The following DLG2 variants were observed in gnomAD, a reference collection of about 807,000 sequenced individuals.
DLG2 encodes the protein disks large homolog 2.
In DLG2, 45 loss-of-function variants were observed where a neutral mutation model predicts 132.5. The observed-to-expected ratio is 0.34, with a 90% CI of 0.27 to 0.44. The LOEUF is 0.44. Ranked by LOEUF, DLG2 falls within the 20% of genes least tolerant of loss-of-function variation. The pLI, the probability that DLG2 is intolerant of heterozygous loss-of-function variation, is 1.00. For missense variants in DLG2, 1,045 were observed against 1,196.9 expected, an observed-to-expected ratio of 0.87 and a Z score of 1.87; for synonymous variants, 424 against 419.6, an observed-to-expected ratio of 1.01 and a Z score of -0.13.
Position 83,596,439 on chromosome 11 carries a change from A to G in DLG2, c.1940+36772T>C, listed in dbSNP as rs554516886. 1.3e-4 allele frequency among the ~76,000 whole-genome samples: 20 copies of G among 152,142 alleles called. No homozygotes were observed. In the East Asian group the frequency reaches 3.7e-3, roughly 28 times the overall value. ...TTAGAATGTTGCCTTGCTCCTCTTC[A>G]TTTATTCCCATTGCCTGTGCTTTAA... On this transcript the variant is annotated intron_variant, in intron 19 of 27. Coordinates refer to ENST00000376104, the MANE Select transcript of DLG2 (RefSeq NM_001142699.3).
intron 3 of DLG2, among the ~76,000 whole-genome samples, chr11:85,287,959 A>T (rs1389684839): frequency 3.3e-5 from 5 of 152,142 alleles, no homozygotes; most frequent in South Asian, 2.1e-4. Flanking sequence ...TACATGTAAC[A>T]AAACAAATAG....
intron 18 of DLG2, among the ~76,000 whole-genome samples, chr11:83,668,696 TATATAAACAC>T (rs2076182528): frequency 3.4e-4 from 6 of 17,586 alleles, no homozygotes; most frequent in African/African-American, 1.3e-3. Context: ...TATATATGTG[TATATAAACAC>T]ATATATATGT....
chr11:83,461,045 G>A (rs1209647775), intron 27 of DLG2, among the ~76,000 whole-genome samples: 1 of 104,216 alleles, frequency 9.6e-6, no homozygotes, highest in Non-Finnish European at 1.8e-5. Context: ...TTTCACCCTT[G>A]TTGCCCAGGC....
intron 10 of DLG2, among the ~76,000 whole-genome samples, chr11:84,087,642 T>A (rs1211975595): frequency 6.6e-6 from 1 of 152,078 alleles, no homozygotes; most frequent in South Asian, 2.1e-4. Flanking sequence ...TCCAATATAA[T>A]CACAGGAGTC....
At chr11:84,477,782 C>T (rs560549794) in intron 7 of DLG2, among the ~76,000 whole-genome samples, 24 of 152,176 alleles carry the variant, frequency 1.6e-4, no homozygotes, top group East Asian at 9.7e-4. Flanking sequence ...TAGAGACATA[C>T]GAGAATCAGA....
rs571143593 is a variant in DLG2, at chr11:84,499,300, C to A, written c.519+35270G>T. Among the ~76,000 whole-genome samples, 57 of 152,274 alleles carry A rather than the reference C, an allele frequency of 3.7e-4. 1 individual carries two copies. In the South Asian group the frequency reaches 0.012, roughly 31 times the overall value. On this transcript the variant is annotated intron_variant, in intron 7 of 27. Transcript: ENST00000376104. The stretch of plus-strand genomic sequence containing the variant: ...TGAGATATTAAGTGCCTAACATAAT[C>A]CCTGATAATGGCAGATTTCAGATTG...
At chr11:85,396,624 G>T (rs2374650) in intron 3 of DLG2, among the ~76,000 whole-genome samples, 5,319 of 152,216 alleles carry the variant, frequency 0.035, 145 homozygotes, top group Admixed American at 0.049. Flanking sequence ...AGCACTTCGC[G>T]ATGCATGCAC....
intron 6 of DLG2, among the ~76,000 whole-genome samples, chr11:85,098,148 G>A (rs1190949770): frequency 6.6e-6 from 1 of 152,218 alleles, no homozygotes; most frequent in East Asian, 1.9e-4. Context: ...ATGACTCAAA[G>A]AGGCTAAGAC....
At chr11:84,773,057 G>A (rs2069701847) in intron 6 of DLG2, among the ~76,000 whole-genome samples, 1 of 151,884 alleles carries the variant, frequency 6.6e-6, no homozygotes, top group Non-Finnish European at 1.5e-5. Flanking sequence ...GAATAAAAAA[G>A]AAAAAGAGTG....
rs1330660560 is a variant in DLG2 at position 84,095,827 on chromosome 11, C to G, written c.749+3096G>C. On this transcript the variant is annotated intron_variant, in intron 10 of 27. Coordinates refer to ENST00000376104, the MANE Select transcript of DLG2 (RefSeq NM_001142699.3). ...TGGGGAGAAGGTGAATTTTGCTGCT[C>G]TAGTTAGAAGCACTGTACAAAGTTT... Among the ~76,000 whole-genome samples, 4 of 152,092 alleles carry G rather than the reference C, an allele frequency of 2.6e-5. No individual in the cohort carries two copies. In the East Asian group the frequency reaches 7.7e-4, roughly 29 times the overall value.
intron 19 of DLG2, among the ~76,000 whole-genome samples, chr11:83,592,099 A>G (rs1273380023): frequency 6.0e-5 from 9 of 150,570 alleles, no homozygotes; most frequent in Non-Finnish European, 8.9e-5. Flanking sequence ...TGCCATCCCT[A>G]TCAAGCTACC....
At chr11:83,902,860 G>T (rs1234199656) in intron 15 of DLG2, among the ~76,000 whole-genome samples, 1 of 152,134 alleles carries the variant, frequency 6.6e-6, no homozygotes, top group Non-Finnish European at 1.5e-5. Context: ...AATGGATAGT[G>T]GGCAAGATGA....
At chr11:84,172,124 A>G (rs777691846) in intron 8 of DLG2, among the ~76,000 whole-genome samples, 79 of 152,188 alleles carry the variant, frequency 5.2e-4, no homozygotes, top group Admixed American at 1.5e-3. Flanking sequence ...ACTTATTTAA[A>G]CACTTAGTAG....
chr11:84,497,940 C>T (rs758325362), intron 7 of DLG2, among the ~76,000 whole-genome samples: 12 of 152,086 alleles, frequency 7.9e-5, no homozygotes, highest in African/African-American at 1.7e-4. Context: ...TCAAGATACA[C>T]GATACACTAG....
chr11:83,879,737 G>T (rs1024218523), intron 15 of DLG2, among the ~76,000 whole-genome samples: 3 of 152,020 alleles, frequency 2.0e-5, no homozygotes, highest in African/African-American at 7.3e-5. Context: ...AATGTTAATT[G>T]GGCACTTATT....
chr11:84,908,726 G>T (rs934395470), intron 6 of DLG2, among the ~76,000 whole-genome samples: 2 of 151,586 alleles, frequency 1.3e-5, no homozygotes, highest in African/African-American at 4.8e-5. Flanking sequence ...TTTTTTTTAT[G>T]TATAAGACAC....
chr11:85,088,032 T>C (rs977608462), intron 6 of DLG2, among the ~76,000 whole-genome samples: 5 of 152,102 alleles, frequency 3.3e-5, no homozygotes, highest in African/African-American at 4.8e-5. Flanking sequence ...TAGTGTATTG[T>C]TGTAAAATAA....
intron 7 of DLG2, among the ~76,000 whole-genome samples, chr11:84,499,105 C>T (rs2099194420): frequency 6.6e-6 from 1 of 152,136 alleles, no homozygotes. Flanking sequence ...TAACATCTTC[C>T]AAACATAATT....
At chr11:84,478,379 C>T (rs1206541476) in intron 7 of DLG2, among the ~76,000 whole-genome samples, 1 of 152,030 alleles carries the variant, frequency 6.6e-6, no homozygotes, top group Non-Finnish European at 1.5e-5. Context: ...TTCTTTGTAG[C>T]CTTCTTTTAT....
Sources: allele counts gnomAD v4.1 joint callset (sites outside exome capture counted in the v4.1 genomes callset), GRCh38; gene constraint gnomAD v4.1.1; transcripts MANE v1.5; gene names NCBI Gene and HGNC (gene_info 2026-07-23, HGNC 2026-07-21).